The following MACROD2 variants were observed in gnomAD, a reference collection of about 807,000 sequenced individuals.
MACROD2 encodes mono-ADP ribosylhydrolase 2, also known as ADP-ribose glycohydrolase MACROD2.
A neutral mutation model predicts 70.4 loss-of-function variants in MACROD2; 36 were observed. The ratio of observed to expected loss-of-function variants is 0.51; its 90% CI spans 0.39 to 0.68. The LOEUF is 0.68. MACROD2 is among the 30% of genes least tolerant of loss of function. MACROD2 has a pLI of 0.00. For missense variants in MACROD2, 496 were observed against 538.4 expected, an observed-to-expected ratio of 0.92 and a Z score of 0.78; for synonymous variants, 172 against 178.8, an observed-to-expected ratio of 0.96 and a Z score of 0.30.
At chr20:14,371,869 AT>A (rs1029868284) in intron 3 of MACROD2, among the ~76,000 whole-genome samples, 15 of 150,948 alleles carry the variant, frequency 9.9e-5, no homozygotes, top group Non-Finnish European at 1.8e-4. Flanking sequence ...CATTCTTCAG[AT>A]TTTAGCTCAG....
chr20:14,320,414 A>T (rs1235543562), intron 3 of MACROD2, among the ~76,000 whole-genome samples: 1 of 152,034 alleles, frequency 6.6e-6, no homozygotes, highest in Non-Finnish European at 1.5e-5. Flanking sequence ...TCTTTAAGCA[A>T]TATTTTTTAT....
chr20:14,119,912 AAAG>A (rs375216716), intron 3 of MACROD2, among the ~76,000 whole-genome samples: 127 of 152,264 alleles, frequency 8.3e-4, no homozygotes, highest in African/African-American at 2.9e-3. Flanking sequence ...ACACTTCTCG[AAAG>A]AAGACATTTA....
At chr20:15,123,316 T>C (rs1427088474) in intron 5 of MACROD2, among the ~76,000 whole-genome samples, 2 of 152,112 alleles carry the variant, frequency 1.3e-5, no homozygotes, top group Non-Finnish European at 2.9e-5. Flanking sequence ...AATTTTGTTT[T>C]TGGTGATAGC....
chr20:15,314,002 A>G (rs565496565), intron 6 of MACROD2, among the ~76,000 whole-genome samples: 1 of 152,324 alleles, frequency 6.6e-6, no homozygotes, highest in African/African-American at 2.4e-5. Context: ...TAAGTTGGTA[A>G]TAATGGGTAG....
chr20:15,416,759 C>T (rs1274083174), intron 6 of MACROD2, among the ~76,000 whole-genome samples: 3 of 141,732 alleles, frequency 2.1e-5, no homozygotes, highest in Non-Finnish European at 3.1e-5. Flanking sequence ...AAAAAATTAG[C>T]GGGGCGGTGG....
At chr20:14,883,854 G>A (rs1478643064) in intron 5 of MACROD2, among the ~76,000 whole-genome samples, 1 of 152,128 alleles carries the variant, frequency 6.6e-6, no homozygotes, top group Non-Finnish European at 1.5e-5. Context: ...AAGGGTTCCA[G>A]TACACCCTAC....
At chr20:15,470,040 T>TTTTTA (rs746031232) in intron 7 of MACROD2, among the ~76,000 whole-genome samples, 4 of 152,190 alleles carry the variant, frequency 2.6e-5, no homozygotes, top group Middle Eastern at 3.4e-3. Flanking sequence ...TTCTGTACCA[T>TTTTTA]TTTTATTTTA....
chr20:14,182,179 C>T (rs1343483068), intron 3 of MACROD2, among the ~76,000 whole-genome samples: 1 of 152,198 alleles, frequency 6.6e-6, no homozygotes, highest in East Asian at 1.9e-4. Context: ...AAACCTATAG[C>T]CATCCTAGTG....
chr20:14,073,742 A>C (rs2053880893), intron 2 of MACROD2, among the ~76,000 whole-genome samples: 1 of 152,220 alleles, frequency 6.6e-6, no homozygotes. Flanking sequence ...AACAATTATA[A>C]ATGTAATCAT....
At chr20:15,638,802 C>T (rs746962339) in intron 8 of MACROD2, among the ~76,000 whole-genome samples, 18 of 152,132 alleles carry the variant, frequency 1.2e-4, no homozygotes, top group South Asian at 2.1e-4. Context: ...TAACTTTTCA[C>T]GGTTCAAGAG....
At chr20:15,467,290 T>C (rs2046905431) in intron 7 of MACROD2, among the ~76,000 whole-genome samples, 2 of 152,264 alleles carry the variant, frequency 1.3e-5, no homozygotes, top group Non-Finnish European at 2.9e-5. Context: ...AGTTTCCCAG[T>C]GGGCTGTAGC....
intron 8 of MACROD2, among the ~76,000 whole-genome samples, chr20:15,782,070 T>C (rs1237304464): frequency 1.3e-5 from 2 of 152,122 alleles, no homozygotes; most frequent in Non-Finnish European, 2.9e-5. Flanking sequence ...AGGGCTTAAG[T>C]CACAAGTCTA....
At chr20:14,341,182 G>T (rs2083009031) in intron 3 of MACROD2, among the ~76,000 whole-genome samples, 1 of 152,144 alleles carries the variant, frequency 6.6e-6, no homozygotes, top group African/African-American at 2.4e-5. Context: ...CTGTGTAAAA[G>T]AAACTAGTAG....
intron 8 of MACROD2, among the ~76,000 whole-genome samples, chr20:15,647,228 A>T (rs376696858): frequency 6.6e-6 from 1 of 152,234 alleles, no homozygotes; most frequent in South Asian, 2.1e-4. Context: ...TTTATGGAAG[A>T]GTTGTCAGCT....
intron 5 of MACROD2, among the ~76,000 whole-genome samples, chr20:15,093,606 T>C (rs1189711803): frequency 6.6e-6 from 1 of 152,196 alleles, no homozygotes; most frequent in Non-Finnish European, 1.5e-5. Flanking sequence ...ATTTATTTAT[T>C]TAAAAAAGCT....
intron 8 of MACROD2, among the ~76,000 whole-genome samples, chr20:15,718,458 A>G (rs534456146): frequency 1.6e-4 from 24 of 152,360 alleles, no homozygotes; most frequent in African/African-American, 5.5e-4. Context: ...TGCCGAGGAC[A>G]TGAAGTTATT....
chr20:14,706,844 A>G (rs933024595), intron 5 of MACROD2, among the ~76,000 whole-genome samples: 2 of 152,132 alleles, frequency 1.3e-5, no homozygotes, highest in African/African-American at 4.8e-5. Context: ...TTCAGTCCTC[A>G]TTCTAATTTT....
At chr20:14,282,190 T>C (rs940353780) in intron 3 of MACROD2, among the ~76,000 whole-genome samples, 9 of 152,302 alleles carry the variant, frequency 5.9e-5, no homozygotes, top group Admixed American at 3.9e-4. Context: ...TAGGCACATA[T>C]ATAGTTAGAA....
chr20:15,691,454 C>T lies in MACROD2; in HGVS notation c.646-171291C>T, dbSNP rs545277354. On this transcript the variant is annotated intron_variant, in intron 8 of 17. Coordinates refer to ENST00000684519, the MANE Select transcript of MACROD2 (RefSeq NM_001351661.2). ...GGCTACATCTATGTAGAAAATAAAG[C>T]GCTGCCCTTCTGGGACCTGTATCCT... Among the ~76,000 whole-genome samples the T allele has an allele frequency of 9.2e-5, 14 of 152,266 alleles. 2 individuals carry two copies. The highest frequency in any genetic ancestry group is 3.1e-4 in the African/African-American group (13 of 41,548).
Sources: allele counts gnomAD v4.1 joint callset (sites outside exome capture counted in the v4.1 genomes callset), GRCh38; gene constraint gnomAD v4.1.1; transcripts MANE v1.5; gene names NCBI Gene and HGNC (gene_info 2026-07-23, HGNC 2026-07-21).